The following DTWD2 variants were observed in gnomAD, a reference collection of about 807,000 sequenced individuals.
DTWD2 encodes the protein DTW motif tRNA-uridine aminocarboxypropyltransferase 2.
DTWD2 carries 39 observed loss-of-function variants against 31.8 expected under a neutral mutation model. The observed-to-expected ratio is 1.22, with a 90% confidence interval of 0.95 to 1.60. The LOEUF (loss-of-function observed/expected upper bound fraction) is 1.60. Among genes scored for constraint, DTWD2 ranks in the 40% most tolerant of loss-of-function variants. The pLI is 0.00. For missense variants in DTWD2, 515 were observed against 381.5 expected, an observed-to-expected ratio of 1.35 and a Z score of -2.92; for synonymous variants, 180 against 142.8, an observed-to-expected ratio of 1.26 and a Z score of -1.86.
At chr5:118,912,639 G>A (rs919327305) in intron 4 of DTWD2, among the ~76,000 whole-genome samples, 2 of 141,142 alleles carry the variant, frequency 1.4e-5, no homozygotes, top group African/African-American at 6.5e-5. Flanking sequence ...CAGAGCAAAT[G>A]TCAGCTCCTC....
At chr5:118,933,560 G>T (rs1043468110) in intron 3 of DTWD2, among the ~76,000 whole-genome samples, 2 of 152,072 alleles carry the variant, frequency 1.3e-5, no homozygotes, top group South Asian at 2.1e-4. Flanking sequence ...TCAAAGGACT[G>T]TATCAATTCA....
At chr5:118,902,834 G>C (rs951442871) in intron 4 of DTWD2, among the ~76,000 whole-genome samples, 5 of 151,978 alleles carry the variant, frequency 3.3e-5, no homozygotes, top group African/African-American at 1.2e-4. Flanking sequence ...AGCTGCTAAT[G>C]ATATCAAAGG....
chr5:118,857,515 C>T (rs1752165572), intron 4 of DTWD2, among the ~76,000 whole-genome samples: 1 of 152,030 alleles, frequency 6.6e-6, no homozygotes. Context: ...AAAAATTGGG[C>T]TGTCTTCTTA....
chr5:118,902,676 G>A (rs1054603384), intron 4 of DTWD2, among the ~76,000 whole-genome samples: 5 of 152,080 alleles, frequency 3.3e-5, no homozygotes, highest in African/African-American at 1.2e-4. Context: ...TCTGGAAAAA[G>A]TAAGCCTGTT....
intron 1 of DTWD2, among the ~76,000 whole-genome samples, chr5:118,949,097 C>T (rs149195600): frequency 1.3e-5 from 2 of 150,882 alleles, no homozygotes; most frequent in African/African-American, 2.5e-5. Flanking sequence ...CTTTTGAGAA[C>T]AGATGTTGGA....
At chr5:118,985,554 T>C (rs1162342196) in intron 1 of DTWD2, among the ~76,000 whole-genome samples, 1 of 134,956 alleles carries the variant, frequency 7.4e-6, no homozygotes, top group African/African-American at 2.5e-5. Flanking sequence ...ACACGTATAT[T>C]ACACTTTATT....
chr5:118,973,958 G>A, intron 1 of DTWD2: 4 of 1,584,146 alleles, frequency 2.5e-6, no homozygotes, highest in East Asian at 2.2e-5. Flanking sequence ...GGTAGATGAA[G>A]AAGAGGAAGA....
intron 4 of DTWD2, among the ~76,000 whole-genome samples, chr5:118,877,090 T>C (rs918864954): frequency 6.6e-6 from 1 of 152,144 alleles, no homozygotes; most frequent in Non-Finnish European, 1.5e-5. Flanking sequence ...AATCAATAAA[T>C]GTGAAAACAG....
At chr5:118,928,243 T>A (rs73239065) in intron 4 of DTWD2, among the ~76,000 whole-genome samples, 12 of 151,808 alleles carry the variant, frequency 7.9e-5, no homozygotes, top group African/African-American at 2.7e-4. Context: ...ATCCTTAGAC[T>A]TCTCTGATTA....
chr5:118,958,375 G>T (rs967881222), intron 1 of DTWD2, among the ~76,000 whole-genome samples: 1 of 151,908 alleles, frequency 6.6e-6, no homozygotes, highest in Non-Finnish European at 1.5e-5. Context: ...GGAGAATGGC[G>T]TGAATCCGGG....
intron 4 of DTWD2, among the ~76,000 whole-genome samples, chr5:118,853,388 C>A (rs559080589): frequency 6.6e-6 from 1 of 152,068 alleles, no homozygotes; most frequent in African/African-American, 2.4e-5. Context: ...CTCAGCAATC[C>A]AATTACTGGC....
chr5:118,956,465 T>C (rs1754589566), intron 1 of DTWD2, among the ~76,000 whole-genome samples: 3 of 152,240 alleles, frequency 2.0e-5, no homozygotes, highest in African/African-American at 7.2e-5. Flanking sequence ...AATGCTGTAA[T>C]ACAAAGGTAA....
chr5:118,914,289 C>A (rs1436265667), intron 4 of DTWD2, among the ~76,000 whole-genome samples: 2 of 152,144 alleles, frequency 1.3e-5, no homozygotes, highest in East Asian at 3.9e-4. Flanking sequence ...CGTTCTTTCT[C>A]CTACTCTCTT....
chr5:118,946,162 T>C (rs1754334879), intron 1 of DTWD2, among the ~76,000 whole-genome samples: 1 of 152,204 alleles, frequency 6.6e-6, no homozygotes, highest in African/African-American at 2.4e-5. Context: ...TATACATGAC[T>C]CCACCTCCTC....
chr5:118,974,124 A>C, intron 1 of DTWD2: 1 of 1,576,318 alleles, frequency 6.3e-7, no homozygotes, highest in East Asian at 2.3e-5. Context: ...GAGGATGACT[A>C]GACAGCAAAA....
In DTWD2 at chr5:118,988,367, C is replaced by G; in HGVS notation, c.145G>C (p.Asp49His). ...AAAALGAEAD[D>H]DSADGLWELP... ...TCCCACAGCCCGTCCGCACTGTCGT[C>G]GTCCGCCTCTGCGCCCAGGGCAGCC... is the stretch of plus-strand genomic sequence containing the variant. The change falls in exon 1 of 6, where the codon GAC becomes CAC. Residue 49 changes from aspartate (D) to histidine (H), a missense_variant. By Grantham distance (81) the Asp-to-His change is moderately conservative (BLOSUM62 -1). Transcript: ENST00000510708. 6.4e-7 allele frequency: 1 copy of G among 1,571,556 alleles called. No individual in the cohort carries two copies. Among genetic ancestry groups the G allele is most frequent in the Non-Finnish European group, 8.6e-7 (1 of 1,161,074 alleles).
At chr5:118,855,733 C>T (rs1580768673) in intron 4 of DTWD2, among the ~76,000 whole-genome samples, 2 of 152,082 alleles carry the variant, frequency 1.3e-5, no homozygotes, top group African/African-American at 4.8e-5. Flanking sequence ...TGTTATTTTA[C>T]TTTCTATAAT....
At chr5:118,960,859 TGGG>T (rs1343194271) in intron 1 of DTWD2, among the ~76,000 whole-genome samples, 5 of 152,012 alleles carry the variant, frequency 3.3e-5, no homozygotes, top group Non-Finnish European at 5.9e-5. Context: ...CACTTATCAG[TGGG>T]AGCTAAACAC....
At chr5:118,907,510 C>G (rs1753361375) in intron 4 of DTWD2, among the ~76,000 whole-genome samples, 1 of 152,140 alleles carries the variant, frequency 6.6e-6, no homozygotes, top group Admixed American at 6.5e-5. Flanking sequence ...GCGGGCAGAT[C>G]ACTTGAGGTC....
Sources: allele counts gnomAD v4.1 joint callset (sites outside exome capture counted in the v4.1 genomes callset), GRCh38; gene constraint gnomAD v4.1.1; transcripts MANE v1.5; gene names NCBI Gene and HGNC (gene_info 2026-07-23, HGNC 2026-07-21).